Variants in GALNTL6 observed in about 807,000 individuals in gnomAD.
The protein encoded by GALNTL6 is polypeptide N-acetylgalactosaminyltransferase-like 6.
A neutral mutation model predicts 73.7 loss-of-function variants in GALNTL6; 46 were observed. The ratio of observed to expected loss-of-function variants is 0.62; its 90% CI spans 0.49 to 0.80. GALNTL6 has a LOEUF of 0.80. GALNTL6 is among the 30% of genes least tolerant of loss of function. The probability of loss-of-function intolerance (pLI) is 0.00; values close to 1 mark genes in which losing one functional copy is unlikely to be tolerated. For synonymous variants in GALNTL6, 259 were observed against 263.7 expected (o/e 0.98, Z 0.17); for missense variants, 604 against 755.0 (o/e 0.80, Z 2.34).
At chr4:172,112,215 C>A (rs1455297570) in intron 2 of GALNTL6, among the ~76,000 whole-genome samples, 4 of 152,034 alleles carry the variant, frequency 2.6e-5, no homozygotes, top group Non-Finnish European at 5.9e-5. Context: ...CATATCTTTT[C>A]ATGGCTTGAT....
chr4:172,661,591 T>G (rs1731381787), intron 5 of GALNTL6, among the ~76,000 whole-genome samples: 1 of 152,158 alleles, frequency 6.6e-6, no homozygotes, highest in Non-Finnish European at 1.5e-5. Context: ...TTGTGAGACT[T>G]TAGTAACCAA....
intron 5 of GALNTL6, among the ~76,000 whole-genome samples, chr4:172,638,364 T>C (rs1300780545): frequency 6.6e-6 from 1 of 152,072 alleles, no homozygotes; most frequent in African/African-American, 2.4e-5. Context: ...AACATATTGG[T>C]AAAGCCCCTC....
At chr4:172,565,404 C>A (rs931811187) in intron 5 of GALNTL6, among the ~76,000 whole-genome samples, 1 of 152,026 alleles carries the variant, frequency 6.6e-6, no homozygotes, top group African/African-American at 2.4e-5. Flanking sequence ...TCACATTACT[C>A]GATTTGTATA....
At chr4:172,816,714 GT>G (rs1442497148) in intron 7 of GALNTL6, among the ~76,000 whole-genome samples, 1 of 152,158 alleles carries the variant, frequency 6.6e-6, no homozygotes, top group Non-Finnish European at 1.5e-5. Flanking sequence ...AAGGGATCCT[GT>G]TTTTCAACAA....
intron 8 of GALNTL6, among the ~76,000 whole-genome samples, chr4:172,885,554 A>T (rs28847398): frequency 0.25 from 37,521 of 151,882 alleles, 5,156 homozygotes; most frequent in African/African-American, 0.35. Flanking sequence ...TTGTTTCTTT[A>T]TCTTCCCTAA....
At chr4:171,865,133 T>A (rs1157063812) in intron 2 of GALNTL6, among the ~76,000 whole-genome samples, 4 of 150,726 alleles carry the variant, frequency 2.7e-5, no homozygotes, top group Non-Finnish European at 5.9e-5. Context: ...GCGACAAAAG[T>A]GAAACTCTGT....
intron 5 of GALNTL6, among the ~76,000 whole-genome samples, chr4:172,598,693 A>G (rs1396439277): frequency 6.6e-6 from 1 of 152,162 alleles, no homozygotes; most frequent in Non-Finnish European, 1.5e-5. Flanking sequence ...AAACACATAA[A>G]CAAATTCTTT....
At chr4:172,670,249 A>T (rs957105938) in intron 5 of GALNTL6, among the ~76,000 whole-genome samples, 16 of 152,274 alleles carry the variant, frequency 1.1e-4, no homozygotes, top group African/African-American at 3.8e-4. Context: ...ACAATAACTG[A>T]ACTATTTAGA....
At chr4:172,168,428 GT>G (rs1560950951) in intron 2 of GALNTL6, among the ~76,000 whole-genome samples, 1 of 152,090 alleles carries the variant, frequency 6.6e-6, no homozygotes, top group African/African-American at 2.4e-5. Flanking sequence ...TTATTTAACT[GT>G]TTCCTTTATA....
intron 3 of GALNTL6, among the ~76,000 whole-genome samples, chr4:172,268,833 C>G (rs1183861222): frequency 2.0e-5 from 3 of 152,134 alleles, no homozygotes; most frequent in Non-Finnish European, 4.4e-5. Context: ...CTTCTACAAC[C>G]CAGGAAAATG....
At chr4:172,707,735 A>T (rs189438371) in intron 5 of GALNTL6, among the ~76,000 whole-genome samples, 1 of 152,234 alleles carries the variant, frequency 6.6e-6, no homozygotes, top group Non-Finnish European at 1.5e-5. Flanking sequence ...ACAGCTGGGG[A>T]TTTATAGCCA....
At chr4:172,258,451 A>G (rs898367667) in intron 3 of GALNTL6, among the ~76,000 whole-genome samples, 3 of 151,210 alleles carry the variant, frequency 2.0e-5, no homozygotes, top group African/African-American at 7.3e-5. Context: ...TGATGTGAGA[A>G]TTATGTTTTT....
chr4:172,357,014 T>G (rs1404545301), intron 5 of GALNTL6, among the ~76,000 whole-genome samples: 2 of 152,054 alleles, frequency 1.3e-5, no homozygotes, highest in African/African-American at 4.8e-5. Flanking sequence ...ATCACAACAA[T>G]AACAGAAACC....
intron 9 of GALNTL6, among the ~76,000 whole-genome samples, chr4:172,932,997 A>G (rs1278925402): frequency 6.6e-6 from 1 of 152,226 alleles, no homozygotes; most frequent in East Asian, 1.9e-4. Context: ...GAAGGGAAAA[A>G]GCAGTCACAA....
chr4:172,502,288 CATA>C (rs1433478975), intron 5 of GALNTL6, among the ~76,000 whole-genome samples: 1 of 152,136 alleles, frequency 6.6e-6, no homozygotes. Context: ...TTAAAAACTC[CATA>C]ATATTTTATG....
At chr4:171,961,773 T>C (rs537564383) in intron 2 of GALNTL6, among the ~76,000 whole-genome samples, 1 of 152,214 alleles carries the variant, frequency 6.6e-6, no homozygotes, top group Non-Finnish European at 1.5e-5. Flanking sequence ...GGATGGGTAA[T>C]GTAAAAATCT....
intron 12 of GALNTL6, among the ~76,000 whole-genome samples, chr4:173,023,080 C>T (rs959799589): frequency 6.6e-6 from 1 of 152,110 alleles, no homozygotes; most frequent in African/African-American, 2.4e-5. Context: ...GAATATCCCC[C>T]ACTTTATTCA....
intron 2 of GALNTL6, among the ~76,000 whole-genome samples, chr4:171,843,280 T>C (rs1218694366): frequency 6.6e-6 from 1 of 151,786 alleles, no homozygotes; most frequent in Non-Finnish European, 1.5e-5. Context: ...ACCACAAACA[T>C]AAAAAAATGA....
intron 2 of GALNTL6, among the ~76,000 whole-genome samples, chr4:171,879,954 T>A (rs551123567): frequency 1.3e-5 from 2 of 152,310 alleles, no homozygotes; most frequent in East Asian, 3.9e-4. Context: ...ATATATTCTT[T>A]ATTAATTGTT....
Sources: allele counts gnomAD v4.1 joint callset (sites outside exome capture counted in the v4.1 genomes callset), GRCh38; gene constraint gnomAD v4.1.1; transcripts MANE v1.5; gene names NCBI Gene and HGNC (gene_info 2026-07-23, HGNC 2026-07-21).